Variants in MTUS2 observed in about 807,000 individuals in gnomAD.
MTUS2 encodes the protein microtubule-associated tumor suppressor candidate 2.
Under a neutral mutation model 114.1 loss-of-function variants are expected in MTUS2, and 40 were observed. The observed-to-expected ratio is 0.35, with a 90% CI of 0.27 to 0.46. The LOEUF (loss-of-function observed/expected upper bound fraction) is 0.46, where lower values mean the gene tolerates loss of function less well. Among genes scored for constraint, MTUS2 ranks in the 20% least tolerant of loss-of-function variants. The pLI is 1.00. For synonymous variants in MTUS2, 688 were observed against 672.0 expected, an observed-to-expected ratio of 1.02 and a Z score of -0.37; for missense variants, 1,679 against 1,705.4, an observed-to-expected ratio of 0.98 and a Z score of 0.27.
At chr13:28,952,338 A>AC (rs1211064744) in intron 2 of MTUS2, among the ~76,000 whole-genome samples, 54 of 152,338 alleles carry the variant, frequency 3.5e-4, no homozygotes, top group African/African-American at 1.2e-3. Context: ...ACATACACTG[A>AC]TATTCCATTT....
At chr13:29,074,802 C>A (rs1889110492) in intron 4 of MTUS2, among the ~76,000 whole-genome samples, 1 of 152,202 alleles carries the variant, frequency 6.6e-6, no homozygotes, top group Admixed American at 6.5e-5. Context: ...CTCTAGGGCT[C>A]TCTCAGTGTC....
chr13:28,955,252 C>G (rs1212425875), intron 2 of MTUS2, among the ~76,000 whole-genome samples: 1 of 152,218 alleles, frequency 6.6e-6, no homozygotes, highest in Non-Finnish European at 1.5e-5. Context: ...CGTAATGCAG[C>G]TTGCATTATG....
At chr13:29,486,288 T>C (rs552602222) in intron 10 of MTUS2, among the ~76,000 whole-genome samples, 5 of 152,368 alleles carry the variant, frequency 3.3e-5, no homozygotes, top group Admixed American at 6.5e-5. Context: ...CTCAGTGATA[T>C]TTGTTTTAGT....
intron 1 of MTUS2, among the ~76,000 whole-genome samples, chr13:28,827,136 A>C (rs1874323352): frequency 6.6e-6 from 1 of 152,218 alleles, no homozygotes; most frequent in African/African-American, 2.4e-5. Context: ...TTTCAGGGAA[A>C]GTTAATTTGA....
intron 2 of MTUS2, among the ~76,000 whole-genome samples, chr13:29,017,487 A>C (rs1189297157): frequency 6.6e-6 from 1 of 152,174 alleles, no homozygotes; most frequent in Non-Finnish European, 1.5e-5. Flanking sequence ...AATCTTTCGA[A>C]ACCCATGCCT....
At chr13:28,946,836 A>G (rs996805368) in intron 2 of MTUS2, among the ~76,000 whole-genome samples, 10 of 152,110 alleles carry the variant, frequency 6.6e-5, no homozygotes, top group African/African-American at 2.4e-4. Context: ...AGGTGGAGCC[A>G]CCACACCTGA....
chr13:28,971,932 C>T (rs1883875484), intron 2 of MTUS2, among the ~76,000 whole-genome samples: 1 of 152,190 alleles, frequency 6.6e-6, no homozygotes, highest in Non-Finnish European at 1.5e-5. Context: ...GTGCTGCATG[C>T]AAACAGCCAT....
At chr13:29,467,443 C>A (rs1256830678) in intron 9 of MTUS2, among the ~76,000 whole-genome samples, 1 of 152,192 alleles carries the variant, frequency 6.6e-6, no homozygotes, top group African/African-American at 2.4e-5. Flanking sequence ...CTTTCCACTG[C>A]CCGGGCCTTC....
At chr13:28,953,325 A>G (rs930353160) in intron 2 of MTUS2, among the ~76,000 whole-genome samples, 22 of 152,106 alleles carry the variant, frequency 1.4e-4, no homozygotes, top group African/African-American at 3.6e-4. Flanking sequence ...CCCGGCCAAC[A>G]TGGTAAAACC....
At chr13:28,929,462 A>C (rs1033632377) in intron 2 of MTUS2, among the ~76,000 whole-genome samples, 1 of 152,162 alleles carries the variant, frequency 6.6e-6, no homozygotes, top group African/African-American at 2.4e-5. Flanking sequence ...TCAATAAAAA[A>C]CATAAAAATA....
intron 4 of MTUS2, among the ~76,000 whole-genome samples, chr13:29,075,684 A>G (rs917739125): frequency 2.6e-5 from 4 of 152,154 alleles, no homozygotes; most frequent in African/African-American, 7.2e-5. Context: ...CTAGAATCCT[A>G]TTGATTACCA....
intron 5 of MTUS2, among the ~76,000 whole-genome samples, chr13:29,182,127 T>C (rs143603905): frequency 2.0e-5 from 3 of 152,298 alleles, no homozygotes; most frequent in African/African-American, 7.2e-5. Flanking sequence ...AAGAAGAAGG[T>C]TCAGATATCT....
intron 2 of MTUS2, among the ~76,000 whole-genome samples, chr13:28,939,916 A>G (rs1882131151): frequency 6.6e-6 from 1 of 152,188 alleles, no homozygotes; most frequent in South Asian, 2.1e-4. Flanking sequence ...GTCATGTCTT[A>G]CGTGGCGGCA....
chr13:29,288,954 A>G (rs1898596962), intron 6 of MTUS2, among the ~76,000 whole-genome samples: 2 of 152,198 alleles, frequency 1.3e-5, no homozygotes, highest in Admixed American at 1.3e-4. Flanking sequence ...TTGCAACACT[A>G]CTTTTTCTGG....
chr13:29,323,071 A>G (rs1900319533), intron 6 of MTUS2, among the ~76,000 whole-genome samples: 1 of 152,174 alleles, frequency 6.6e-6, no homozygotes, highest in Admixed American at 6.5e-5. Context: ...CAATACTGCA[A>G]ATGAGCAGAC....
chr13:29,329,995 T>C (rs1483674183), intron 7 of MTUS2, among the ~76,000 whole-genome samples: 4 of 152,256 alleles, frequency 2.6e-5, no homozygotes, highest in Admixed American at 2.6e-4. Context: ...ATGGTATTTC[T>C]GGTTCTAGAT....
intron 5 of MTUS2, among the ~76,000 whole-genome samples, chr13:29,191,452 C>T (rs764502516): frequency 9.9e-5 from 15 of 152,136 alleles, no homozygotes; most frequent in Non-Finnish European, 2.1e-4. Context: ...CTGGGCTCCA[C>T]ATAACTGAGA....
intron 2 of MTUS2, among the ~76,000 whole-genome samples, chr13:28,952,689 G>T (rs764425706): frequency 6.6e-6 from 1 of 152,074 alleles, no homozygotes; most frequent in Non-Finnish European, 1.5e-5. Context: ...TTATTAAATG[G>T]TATATTAAAC....
At chr13:29,193,095 T>C (rs952598968) in intron 5 of MTUS2, among the ~76,000 whole-genome samples, 2 of 152,176 alleles carry the variant, frequency 1.3e-5, no homozygotes, top group African/African-American at 2.4e-5. Context: ...AAGAGGTTCA[T>C]TTCCAGCCTC....
Sources: gnomAD v4.1 joint callset for allele counts (sites outside exome capture counted in the v4.1 genomes callset) on GRCh38, gnomAD v4.1.1 for gene constraint, MANE v1.5 for transcripts, NCBI Gene and HGNC (gene_info 2026-07-23, HGNC 2026-07-21) for gene names.